CD1B: variants seen among roughly 807,000 people sequenced by gnomAD.
CD1B encodes the protein CD1b molecule.
CD1B carries 43 observed loss-of-function variants against 39.8 expected under a neutral mutation model. That is an observed-to-expected ratio of 1.08 (90% CI 0.85 to 1.39). The LOEUF (loss-of-function observed/expected upper bound fraction) is 1.39, where lower values mean the gene tolerates loss of function less well. Among genes scored for constraint, CD1B ranks in the 40% most tolerant of loss-of-function variants. The pLI is 0.00. For synonymous variants in CD1B, 192 were observed against 152.5 expected (o/e 1.26, Z -1.91); for missense variants, 495 against 403.8 (o/e 1.23, Z -1.94).
chr1:158,314,376 T>A, the CD1B span, among the ~76,000 whole-genome samples: 1 of 152,190 alleles, frequency 6.6e-6, no homozygotes, highest in African/African-American at 2.4e-5. Context: ...CCACCGTGCC[T>A]GGCCAAGTGT....
At chr1:158,303,726 G>T in the CD1B span, among the ~76,000 whole-genome samples, 1 of 151,976 alleles carries the variant, frequency 6.6e-6, no homozygotes, top group African/African-American at 2.4e-5. Flanking sequence ...GAAAGTGAAA[G>T]ATCTCTACAA....
the CD1B span, among the ~76,000 whole-genome samples, chr1:158,304,561 G>A: frequency 6.6e-6 from 1 of 152,198 alleles, no homozygotes; most frequent in Non-Finnish European, 1.5e-5. Context: ...AGACTTAAAT[G>A]TTCCTGTCTG....
chr1:158,315,792 T>G, the CD1B span, among the ~76,000 whole-genome samples: 5 of 152,106 alleles, frequency 3.3e-5, no homozygotes, highest in South Asian at 6.2e-4. Flanking sequence ...TGGTTTTAGC[T>G]CTAACGTTTA....
chr1:158,310,376 A>T, the CD1B span, among the ~76,000 whole-genome samples: 1 of 152,226 alleles, frequency 6.6e-6, no homozygotes, highest in African/African-American at 2.4e-5. Flanking sequence ...TTGGAAGAAA[A>T]CCTGTGAAAT....
chr1:158,310,222 G>T, the CD1B span, among the ~76,000 whole-genome samples: 2 of 152,108 alleles, frequency 1.3e-5, no homozygotes, highest in African/African-American at 2.4e-5. Flanking sequence ...ATGGGGTGAA[G>T]ACTTCCTATT....
the CD1B span, among the ~76,000 whole-genome samples, chr1:158,300,803 G>A: frequency 2.1e-4 from 30 of 144,016 alleles, no homozygotes; most frequent in African/African-American, 7.1e-4. Context: ...CTGTCACCCA[G>A]GCTGGAGTAC....
intron 2 of CD1B, chr1:158,330,520 G>A (rs1652555564): frequency 3.2e-6 from 2 of 627,664 alleles, no homozygotes; most frequent in Non-Finnish European, 5.8e-6. Flanking sequence ...GGAGAAGTAA[G>A]GGCCCTTGAG....
chr1:158,331,208 T>G lies in CD1B; in HGVS notation c.62-146A>C, dbSNP rs536845592. The G allele has an allele frequency of 5.6e-5, 62 of 1,103,554 alleles. No homozygotes were observed. In the East Asian group the frequency reaches 1.4e-3, roughly 25 times the overall value. 68.4% of individuals were successfully genotyped at this position (1,103,554 alleles called of 1,614,324 possible). A position where few individuals can be genotyped will look rare whatever the true frequency, so the allele number is the denominator to read the frequency against. Reference sequence around the variant, plus strand: ...CTGACACATTTGACTGCCTTAAGGCTTCAGGTTCTAGTCCCAACCACCAGA... The same window carrying G: ...CTGACACATTTGACTGCCTTAAGGCGTCAGGTTCTAGTCCCAACCACCAGA... On this transcript the variant is annotated intron_variant, in intron 1 of 5. Transcript: ENST00000368168.
intron 4 of CD1B, 109 bp downstream of exon 4, chr1:158,329,261 T>A: frequency 7.4e-7 from 1 of 1,342,678 alleles, no homozygotes; most frequent in African/African-American, 1.5e-5. Context: ...AATCAATCAA[T>A]CAATCTCTCC....
Position 158,331,123 on chromosome 1 carries a change from A to C in CD1B, c.62-61T>G. 3 of 1,470,942 alleles carry C rather than the reference A, an allele frequency of 2.0e-6. No individual in the cohort carries two copies. The South Asian group carries it at 4.0e-5, about 20-fold the overall frequency. 91.1% of individuals were successfully genotyped at this position (1,470,942 alleles called of 1,614,324 possible). A position where few individuals can be genotyped will look rare whatever the true frequency, so the allele number is the denominator to read the frequency against. On this transcript the variant is annotated intron_variant, in intron 1 of 5. Transcript: ENST00000368168. ...AGAGAGAAGCAGGAGACAATTAGGA[A>C]GAATGGGAATGAAAATGATTTAGAA... is the stretch of plus-strand genomic sequence containing the variant.
chr1:158,298,846 G>A, the CD1B span, among the ~76,000 whole-genome samples: 27 of 152,156 alleles, frequency 1.8e-4, no homozygotes, highest in African/African-American at 6.0e-4. Context: ...GAAAGCTTGC[G>A]ATTTTTGCAC....
chr1:158,314,023 C>T, the CD1B span, among the ~76,000 whole-genome samples: 2 of 151,978 alleles, frequency 1.3e-5, no homozygotes, highest in Non-Finnish European at 2.9e-5. Context: ...CCTTTTATAT[C>T]TATGATTTTA....
chr1:158,288,209 A>C, the CD1B span, among the ~76,000 whole-genome samples: 1 of 152,194 alleles, frequency 6.6e-6, no homozygotes, highest in East Asian at 1.9e-4. Flanking sequence ...GCTCTTAAAG[A>C]TATTATAGTT....
At chr1:158,323,906 A>G (rs1300753686), downstream of CD1B, among the ~76,000 whole-genome samples, 2 of 152,174 alleles carry the variant, frequency 1.3e-5, no homozygotes, top group Non-Finnish European at 2.9e-5. Flanking sequence ...TCCCCTCAGG[A>G]TCTGCTTTGG....
chr1:158,289,027 A>G, the CD1B span, among the ~76,000 whole-genome samples: 1 of 152,154 alleles, frequency 6.6e-6, no homozygotes, highest in African/African-American at 2.4e-5. Context: ...ACCATTCCAC[A>G]CTGTACAGAA....
chr1:158,322,456 G>GCGGTTTTGC, the CD1B span, among the ~76,000 whole-genome samples: 1 of 141,344 alleles, frequency 7.1e-6, no homozygotes, highest in South Asian at 2.3e-4. Flanking sequence ...CTCGTAAGAT[G>GCGGTTTTGC]CGGTTTTGCC....
the CD1B span, among the ~76,000 whole-genome samples, chr1:158,319,310 G>A: frequency 4.7e-3 from 713 of 151,954 alleles, 8 homozygotes; most frequent in African/African-American, 0.015. Context: ...CCAATCAGAC[G>A]TAGATTTGGT....
At chr1:158,308,309 C>A in the CD1B span, among the ~76,000 whole-genome samples, 1 of 152,144 alleles carries the variant, frequency 6.6e-6, no homozygotes, top group East Asian at 1.9e-4. Flanking sequence ...GAACTACAAA[C>A]CACTGCTCAG....
chr1:158,292,956 C>T, the CD1B span: 1 of 1,367,388 alleles, frequency 7.3e-7, no homozygotes, highest in Non-Finnish European at 1.0e-6. Context: ...GATAGCAGAC[C>T]TAGGTGAGGG....
Sources: allele counts gnomAD v4.1 joint callset (sites outside exome capture counted in the v4.1 genomes callset), GRCh38; gene constraint gnomAD v4.1.1; transcripts MANE v1.5; gene names NCBI Gene and HGNC (gene_info 2026-07-23, HGNC 2026-07-21).